Variants in TECPR2 observed in about 807,000 individuals in gnomAD.
TECPR2 encodes tectonin beta-propeller repeat containing 2.
TECPR2 carries 65 observed loss-of-function variants against 138.1 expected under a neutral mutation model. That is an observed-to-expected ratio of 0.47 (90% CI 0.39 to 0.58). The LOEUF (loss-of-function observed/expected upper bound fraction) is 0.58, where lower values mean the gene tolerates loss of function less well. Ranked by LOEUF, TECPR2 falls within the 20% of genes least tolerant of loss-of-function variation. The pLI, the probability that TECPR2 is intolerant of heterozygous loss-of-function variation, is 0.00. For synonymous variants in TECPR2, 746 were observed against 749.8 expected (o/e 0.99, Z 0.08); for missense variants, 1,553 against 1,824.5 (o/e 0.85, Z 2.71).
At chr14:102,480,002 C>T (rs1045964189) in intron 17 of TECPR2, among the ~76,000 whole-genome samples, 1 of 152,202 alleles carries the variant, frequency 6.6e-6, no homozygotes, top group Non-Finnish European at 1.5e-5. Flanking sequence ...AGAAGAACTT[C>T]AACTAATACT....
chr14:102,449,851 G>T lies in TECPR2; in HGVS notation c.3298G>T (p.Ala1100Ser), dbSNP rs147315549. The T allele has an allele frequency of 6.2e-7, 1 of 1,613,674 alleles. No individual in the cohort carries two copies. ...CTCGGGCAAGAATGAATTCCACGTC[G>T]CTAAGGGAAGTCTCATAGGTGGGTG... Reference protein sequence around the residue: ...ISSGKNEFHVAKGSLIGTYWN... With the variant: ...ISSGKNEFHVSKGSLIGTYWN... Residue 1100 changes from alanine (A) to serine (S), a missense_variant, in exon 14 of 20, where the codon GCT (alanine) becomes TCT (serine). By Grantham distance (99) the Ala-to-Ser change is moderately conservative. Transcript: ENST00000359520.
intron 7 of TECPR2, among the ~76,000 whole-genome samples, chr14:102,431,236 A>G (rs940687536): frequency 2.0e-5 from 3 of 151,328 alleles, no homozygotes; most frequent in Non-Finnish European, 3.0e-5. Flanking sequence ...TAAATATAAA[A>G]AGAAAGCTAT....
chr14:102,445,062 G>A (rs1471133281), intron 12 of TECPR2, among the ~76,000 whole-genome samples: 1 of 152,230 alleles, frequency 6.6e-6, no homozygotes, highest in Non-Finnish European at 1.5e-5. Context: ...GTCTCATGGG[G>A]GCCCCGTGCA....
chr14:102,441,234 A>T (rs1230653806), intron 11 of TECPR2, among the ~76,000 whole-genome samples: 2 of 151,796 alleles, frequency 1.3e-5, no homozygotes, highest in South Asian at 4.2e-4. Flanking sequence ...CGCCCAGCCA[A>T]TTTTTTTGTA....
rs541930491 is a variant in TECPR2 at position 102,427,312 on chromosome 14, C to T, written c.952-938C>T. ...TGGTTCTTTCATCTGAGCATTTACC[C>T]GATGCTTTACCCAGTAGGTATAATT... On this transcript the variant is annotated intron_variant, in intron 6 of 19. Coordinates refer to ENST00000359520, the MANE Select transcript of TECPR2 (RefSeq NM_014844.5). Among the ~76,000 whole-genome samples the T allele has an allele frequency of 2.6e-5, 4 of 152,212 alleles. No individual in the cohort carries two copies. The South Asian group carries it at 6.2e-4, about 24-fold the overall frequency.
chr14:102,397,234 AC>A (rs757457426), intron 2 of TECPR2, among the ~76,000 whole-genome samples: 4 of 152,014 alleles, frequency 2.6e-5, no homozygotes, highest in African/African-American at 4.8e-5. Context: ...GAATAACAAA[AC>A]CCAGTAAACT....
At chr14:102,477,934 CAAAAAAA>C (rs1188082616) in intron 17 of TECPR2, among the ~76,000 whole-genome samples, 1 of 44,636 alleles carries the variant, frequency 2.2e-5, no homozygotes, top group African/African-American at 9.0e-5. Flanking sequence ...GACTCCGTCT[CAAAAAAA>C]AAAAAAAAAA....
At chr14:102,416,419 C>G (rs1889026341) in intron 5 of TECPR2, among the ~76,000 whole-genome samples, 3 of 152,138 alleles carry the variant, frequency 2.0e-5, no homozygotes, top group Non-Finnish European at 4.4e-5. Flanking sequence ...CCACATGCGG[C>G]CTGCTGAACA....
At chr14:102,488,491 C>T (rs933315113) in intron 17 of TECPR2, among the ~76,000 whole-genome samples, 4 of 151,948 alleles carry the variant, frequency 2.6e-5, no homozygotes, top group African/African-American at 9.7e-5. Flanking sequence ...AGGCGCCCCC[C>T]ACCACGTCCG....
rs980927886 is a variant in TECPR2, at chr14:102,434,408, A to G, written c.1591A>G (p.Asn531Asp). The G allele has an allele frequency of 2.6e-6, 4 of 1,528,540 alleles. No homozygotes were observed. The highest frequency in any genetic ancestry group is 3.5e-6 in the Non-Finnish European group (4 of 1,139,226). 94.7% of individuals were successfully genotyped at this position (1,528,540 alleles called of 1,614,324 possible). Residue 531 changes from asparagine to aspartate, a missense_variant, in exon 9 of 20, where the codon AAT becomes GAT. Physicochemically the swap from Asn to Asp is conservative, Grantham distance 23 (BLOSUM62 1). Transcript: ENST00000359520. Reference protein sequence around the residue: ...AESPDQESSFNGEVNGVPQEN... With the variant: ...AESPDQESSFDGEVNGVPQEN... ...GTCTCCAGACCAGGAAAGCAGCTTCAATGGTGAAGTGAACGGTGTCCCACA... is the reference window on the plus strand; with the variant it reads ...GTCTCCAGACCAGGAAAGCAGCTTCGATGGTGAAGTGAACGGTGTCCCACA...
At chr14:102,490,022 CA>C (rs892759547) in intron 17 of TECPR2, among the ~76,000 whole-genome samples, 152 of 146,014 alleles carry the variant, frequency 1.0e-3, no homozygotes, top group African/African-American at 3.5e-3. Context: ...GTGACAGTTA[CA>C]AAAAAAAAAT....
In TECPR2 at chr14:102,428,222, G is replaced by GTTTTTTTTT; in HGVS notation, c.952-14_952-6dup. The GTTTTTTTTT allele has an allele frequency of 2.5e-3, 2,594 of 1,057,806 alleles. 75 individuals carry two copies. Among genetic ancestry groups the GTTTTTTTTT allele is most frequent in the South Asian group, 7.8e-3 (405 of 51,596 alleles). The allele number at this position is 1,057,806 out of a possible 1,614,324, so 65.5% of individuals were successfully genotyped here. ...ACCGTTGTTTAGTTTTGTGTTTTTT[G>GTTTTTTTTT]TTTTTTTTTTTTTTTTTTTTTTGAC... On this transcript the variant is annotated intron_variant, in intron 6 of 19. Coordinates refer to ENST00000359520, the MANE Select transcript of TECPR2 (RefSeq NM_014844.5).
chr14:102,433,584 G>A (rs1312305842), intron 8 of TECPR2, among the ~76,000 whole-genome samples: 6 of 151,776 alleles, frequency 4.0e-5, no homozygotes, highest in Non-Finnish European at 7.4e-5. Context: ...GCAATGGTGC[G>A]ATCTCGGCTC....
At chr14:102,449,548 G>A (rs2139751050) in intron 13 of TECPR2, 81 bp from the exon 14 acceptor site, 1 of 1,582,796 alleles carries the variant, frequency 6.3e-7, no homozygotes, top group East Asian at 2.2e-5. Context: ...GTGGACCTGA[G>A]CTAGAACCTT....
At chr14:102,368,419 T>C (rs564285893) in intron 1 of TECPR2, among the ~76,000 whole-genome samples, 1 of 152,310 alleles carries the variant, frequency 6.6e-6, no homozygotes, top group Non-Finnish European at 1.5e-5. Flanking sequence ...TTGATCAGGC[T>C]GGTCTCAAAT....
chr14:102,453,273 C>T (rs944279207), intron 16 of TECPR2, among the ~76,000 whole-genome samples: 4 of 151,960 alleles, frequency 2.6e-5, no homozygotes, highest in South Asian at 2.1e-4. Flanking sequence ...ATCAAGAGTT[C>T]GAGACCAGCC....
Position 102,435,016 on chromosome 14 carries a change from C to G in TECPR2, c.2199C>G (p.Ala733=). 1 of 1,614,088 alleles carries G rather than the reference C, an allele frequency of 6.2e-7. No homozygotes were observed. The highest frequency in any genetic ancestry group is 1.1e-5 in the South Asian group (1 of 91,084). ...GQLTPVSALA[A]STHKPWLEQP... is the part of the protein sequence containing the mutation. ...TGACTCCGGTCTCTGCCTTGGCAGC[C>G]AGCACTCACAAGCCCTGGCTTGAGC... Residue 733 remains alanine (A), a synonymous_variant, in exon 9 of 20, where the codon GCC becomes GCG. Coordinates refer to ENST00000359520, the MANE Select transcript of TECPR2 (RefSeq NM_014844.5).
Position 102,476,995 on chromosome 14 carries a change from A to G in TECPR2, c.3789+11706A>G, listed in dbSNP as rs1008109532. Among the ~76,000 whole-genome samples the G allele has an allele frequency of 2.0e-5, 3 of 152,172 alleles. 1 individual carries two copies. Among genetic ancestry groups the G allele is most frequent in the Non-Finnish European group, 4.4e-5 (3 of 68,024 alleles). ...GAGGCAGAGGCTGCAGTGAGCCATG[A>G]TGGCTGCCACCTCACTCCAGCCTGG... On this transcript the variant is annotated intron_variant, in intron 17 of 19. Coordinates refer to ENST00000359520, the MANE Select transcript of TECPR2 (RefSeq NM_014844.5).
chr14:102,406,565 G>A (rs775778257), intron 2 of TECPR2, among the ~76,000 whole-genome samples: 3 of 151,808 alleles, frequency 2.0e-5, no homozygotes, highest in Non-Finnish European at 4.4e-5. Context: ...TAAAATTGGG[G>A]CATGAGGGCA....
Sources: gnomAD v4.1 joint callset for allele counts (sites outside exome capture counted in the v4.1 genomes callset) on GRCh38, gnomAD v4.1.1 for gene constraint, MANE v1.5 for transcripts, NCBI Gene and HGNC (gene_info 2026-07-23, HGNC 2026-07-21) for gene names.